The following PYROXD1 variants were observed in gnomAD, a reference collection of about 807,000 sequenced individuals.
PYROXD1 encodes the protein pyridine nucleotide-disulphide oxidoreductase domain 1.
PYROXD1 carries 42 observed loss-of-function variants against 62.0 expected under a neutral mutation model. The ratio of observed to expected loss-of-function variants is 0.68; its 90% CI spans 0.53 to 0.88. The LOEUF (loss-of-function observed/expected upper bound fraction) is 0.88. Among genes scored for constraint, PYROXD1 ranks in the 40% least tolerant of loss-of-function variants. The probability of loss-of-function intolerance (pLI) is 0.00; values close to 1 mark genes in which losing one functional copy is unlikely to be tolerated. For missense variants in PYROXD1, 493 were observed against 604.8 expected, an observed-to-expected ratio of 0.82 and a Z score of 1.94; for synonymous variants, 170 against 206.4, an observed-to-expected ratio of 0.82 and a Z score of 1.51.
intron 7 of PYROXD1, among the ~76,000 whole-genome samples, chr12:21,459,110 C>T (rs75855630): frequency 0.034 from 5,129 of 152,256 alleles, 119 homozygotes; most frequent in Middle Eastern, 0.068. Flanking sequence ...TGTATGCTAA[C>T]GAGTTGACTG....
chr12:21,455,093 T>G (rs777355827), intron 5 of PYROXD1, 39 bp from the exon 6 acceptor site: 2 of 1,255,314 alleles, frequency 1.6e-6, no homozygotes, highest in Non-Finnish European at 2.1e-6. Context: ...TTACTTAGAC[T>G]TTTGAAATCA....
At chr12:21,443,003 G>T (rs1235072493) in intron 2 of PYROXD1, among the ~76,000 whole-genome samples, 5 of 152,028 alleles carry the variant, frequency 3.3e-5, no homozygotes, top group African/African-American at 9.7e-5. Flanking sequence ...GGCTTGTGAA[G>T]ATTTGTCTAT....
At position 21,471,176 on chromosome 12, in the gene PYROXD1, A is replaced by G; in HGVS notation, c.*2422A>G. The G allele has an allele frequency of 7.5e-7, 1 of 1,335,980 alleles. No individual in the cohort carries two copies. Among genetic ancestry groups the G allele is most frequent in the Non-Finnish European group, 1.0e-6 (1 of 988,712 alleles). 82.8% of individuals were successfully genotyped at this position (1,335,980 alleles called of 1,614,324 possible). The stretch of plus-strand genomic sequence containing the variant: ...ACAAATTTATAAAAGAAATAACTAT[A>G]TGCGCAGTAATTCTTAACACATTGA... On this transcript the variant is annotated 3_prime_UTR_variant, in exon 12 of 12. Coordinates refer to ENST00000240651, the MANE Select transcript of PYROXD1 (RefSeq NM_024854.5).
chr12:21,440,082 ATAGT>A (rs1565542339), intron 1 of PYROXD1, among the ~76,000 whole-genome samples: 1 of 152,224 alleles, frequency 6.6e-6, no homozygotes, highest in East Asian at 1.9e-4. Flanking sequence ...GGTATAAAAA[ATAGT>A]TGAAGTAAAT....
Position 21,437,666 on chromosome 12 carries a change from C to T in PYROXD1, c.-65C>T, listed in dbSNP as rs113744302. ...AGTGACCGCCTCGCGGCTGCTTCCTCTCCTGGAGTCCAGAGTCCCGTTGCT... is the reference window on the plus strand; with the variant it reads ...AGTGACCGCCTCGCGGCTGCTTCCTTTCCTGGAGTCCAGAGTCCCGTTGCT... On this transcript the variant is annotated 5_prime_UTR_variant, in exon 1 of 12. Transcript: ENST00000240651. The T allele has an allele frequency of 0.018, 27,660 of 1,516,820 alleles. 322 individuals are homozygous for T. The highest frequency in any genetic ancestry group is 0.054 in the Middle Eastern group (267 of 4,982). 94.0% of individuals were successfully genotyped at this position (1,516,820 alleles called of 1,614,324 possible).
At chr12:21,465,249 A>G (rs1383047993) in intron 10 of PYROXD1, among the ~76,000 whole-genome samples, 2 of 152,202 alleles carry the variant, frequency 1.3e-5, no homozygotes, top group Non-Finnish European at 2.9e-5. Context: ...CGCCACACCA[A>G]CTTCCACAAT....
rs756573952 is a variant in PYROXD1 at position 21,437,818 on chromosome 12, G to C, written c.84+4G>C. The C allele has an allele frequency of 3.1e-6, 5 of 1,611,382 alleles. No individual in the cohort carries two copies. The highest frequency in any genetic ancestry group is 4.2e-6 in the Non-Finnish European group (5 of 1,179,122). ...GGGCGTCACTTGTGCGGAGCAGGTA[G>C]GGCGGTGCTCAGGCGGTTCCGCCTC... On this transcript the variant is annotated splice_donor_region_variant and intron_variant, in intron 1 of 11. Transcript: ENST00000240651.
chr12:21,467,328 T>C (rs893371818), intron 10 of PYROXD1, 153 bp from the exon 11 acceptor site: 9 of 574,176 alleles, frequency 1.6e-5, no homozygotes, highest in Non-Finnish European at 2.1e-5. Flanking sequence ...CAAAAATCAG[T>C]CTGATTAGTT....
In PYROXD1 at chr12:21,452,053, C is replaced by T. The variant is rs1386413162; in HGVS notation, c.415-28C>T. On this transcript the variant is annotated intron_variant, in intron 4 of 11. Coordinates refer to ENST00000240651, the MANE Select transcript of PYROXD1 (RefSeq NM_024854.5). ...GATTATTGCCCACTATTACAAAATA[C>T]TACCTCATTATTTTCTTTTTAACAT... The T allele has an allele frequency of 2.2e-6, 3 of 1,343,286 alleles. No homozygotes were observed. In the African/African-American group the frequency reaches 4.4e-5, roughly 20 times the overall value. 83.2% of individuals were successfully genotyped at this position (1,343,286 alleles called of 1,614,324 possible).
At chr12:21,444,720 G>T (rs1942355423) in intron 2 of PYROXD1, among the ~76,000 whole-genome samples, 1 of 152,166 alleles carries the variant, frequency 6.6e-6, no homozygotes, top group African/African-American at 2.4e-5. Flanking sequence ...AGATTTCCAT[G>T]CAGTTTTTAA....
chr12:21,444,894 A>G (rs1702013323), intron 2 of PYROXD1, among the ~76,000 whole-genome samples: 1 of 152,224 alleles, frequency 6.6e-6, no homozygotes, highest in Non-Finnish European at 1.5e-5. Context: ...AAAAGGTGAA[A>G]TGATTCACAA....
At chr12:21,446,072 A>G (rs1476905) in intron 3 of PYROXD1, among the ~76,000 whole-genome samples, 75,225 of 152,020 alleles carry the variant, frequency 0.49, 18,658 homozygotes, top group Middle Eastern at 0.59. Context: ...GAGATTGGCA[A>G]TCAAGGCTAG....
At chr12:21,466,575 G>T (rs1260485301) in intron 10 of PYROXD1, among the ~76,000 whole-genome samples, 1 of 152,118 alleles carries the variant, frequency 6.6e-6, no homozygotes, top group Non-Finnish European at 1.5e-5. Flanking sequence ...GAGCTGATGG[G>T]GTTTTCTAGA....
In PYROXD1 at chr12:21,455,699, T is replaced by G. The variant is rs7310494; in HGVS notation, c.650-296T>G. On this transcript the variant is annotated intron_variant, in intron 6 of 11. Coordinates refer to ENST00000240651, the MANE Select transcript of PYROXD1 (RefSeq NM_024854.5). Reference sequence around the variant, plus strand: ...GTACATTTTGGAGGTGCTAAAAATATATAAAATTATAAAAATTTGAAGGCT... The same window carrying G: ...GTACATTTTGGAGGTGCTAAAAATAGATAAAATTATAAAAATTTGAAGGCT... 0.99 allele frequency among the ~76,000 whole-genome samples: 149,579 copies of G among 151,784 alleles called. 73,756 individuals carry two copies. The highest frequency in any genetic ancestry group is 1 in the East Asian group (5,166 of 5,166).
intron 7 of PYROXD1, among the ~76,000 whole-genome samples, chr12:21,460,156 G>C (rs966431210): frequency 6.6e-5 from 10 of 152,102 alleles, no homozygotes; most frequent in Admixed American, 6.6e-4. Context: ...GGTAGGAGGG[G>C]AGCTGGCTGC....
In PYROXD1 at chr12:21,469,261, C is replaced by A; in HGVS notation, c.*507C>A. 1 of 155,856 alleles carries A rather than the reference C, an allele frequency of 6.4e-6. No individual in the cohort carries two copies. The highest frequency in any genetic ancestry group is 1.4e-5 in the Non-Finnish European group (1 of 70,562). 9.7% of individuals were successfully genotyped at this position (155,856 alleles called of 1,614,324 possible). ...TACTTCTGGTTTTATAACCTGAAAT[C>A]ATCTACAAGCTTGTCCAACTCTAGC... is the stretch of plus-strand genomic sequence containing the variant. On this transcript the variant is annotated 3_prime_UTR_variant, in exon 12 of 12. Coordinates refer to ENST00000240651, the MANE Select transcript of PYROXD1 (RefSeq NM_024854.5).
Position 21,446,709 on chromosome 12 carries a change from C to T in PYROXD1, c.285+1243C>T, listed in dbSNP as rs183951508. Among the ~76,000 whole-genome samples the T allele has an allele frequency of 1.1e-4, 17 of 151,958 alleles. No individual in the cohort carries two copies. The South Asian group carries it at 1.9e-3, about 17-fold the overall frequency. ...GACGGATGGCTTTAGCCTAGAAGTT[C>T]GACTCTAGCCTGGGCAACATAGCAA... On this transcript the variant is annotated intron_variant, in intron 3 of 11. Coordinates refer to ENST00000240651, the MANE Select transcript of PYROXD1 (RefSeq NM_024854.5).
At chr12:21,466,144 A>G (rs1277489982) in intron 10 of PYROXD1, among the ~76,000 whole-genome samples, 1 of 148,646 alleles carries the variant, frequency 6.7e-6, no homozygotes, top group African/African-American at 2.5e-5. Flanking sequence ...TGACTTGGCG[A>G]TGCGGGCTCT....
chr12:21,468,474 C>T (rs1299992154), intron 11 of PYROXD1, 32 bp from the exon 12 acceptor site: 3 of 1,584,384 alleles, frequency 1.9e-6, no homozygotes, highest in Non-Finnish European at 2.6e-6. Context: ...TTATGATACT[C>T]ATGACAATAA....
Sources: gnomAD v4.1 joint callset for allele counts (sites outside exome capture counted in the v4.1 genomes callset) on GRCh38, gnomAD v4.1.1 for gene constraint, MANE v1.5 for transcripts, NCBI Gene and HGNC (gene_info 2026-07-23, HGNC 2026-07-21) for gene names.